The following PARN variants were observed in gnomAD, a reference collection of about 807,000 sequenced individuals.
PARN encodes poly(A)-specific ribonuclease.
A neutral mutation model predicts 102.8 loss-of-function variants in PARN; 71 were observed. The ratio of observed to expected loss-of-function variants is 0.69; its 90% CI spans 0.57 to 0.84. PARN has a LOEUF of 0.84. Ranked by LOEUF, PARN falls within the 40% of genes least tolerant of loss-of-function variation. PARN has a pLI of 0.00. For missense variants in PARN, 782 were observed against 760.9 expected, an observed-to-expected ratio of 1.03 and a Z score of -0.33; for synonymous variants, 261 against 252.9, an observed-to-expected ratio of 1.03 and a Z score of -0.30.
intron 5 of PARN, among the ~76,000 whole-genome samples, chr16:14,625,219 C>A (rs138158669): frequency 4.2e-4 from 63 of 151,672 alleles, no homozygotes; most frequent in Middle Eastern, 6.8e-3. Flanking sequence ...CAAAACAAAA[C>A]AAAACTGTAA....
chr16:14,594,164 T>C (rs533256919), intron 12 of PARN, among the ~76,000 whole-genome samples: 18 of 152,338 alleles, frequency 1.2e-4, no homozygotes, highest in Admixed American at 3.3e-4. Context: ...TTTCTAACTA[T>C]ATTAAACAGA....
At chr16:14,547,294 G>A (rs1005299469) in intron 21 of PARN, among the ~76,000 whole-genome samples, 10 of 152,058 alleles carry the variant, frequency 6.6e-5, no homozygotes, top group Admixed American at 4.6e-4. Flanking sequence ...AAAGCCAGCA[G>A]GGAACCGCTT....
chr16:14,558,745 C>A (rs766309668), intron 18 of PARN, among the ~76,000 whole-genome samples: 1 of 152,050 alleles, frequency 6.6e-6, no homozygotes, highest in Non-Finnish European at 1.5e-5. Flanking sequence ...TAAAAAGGCA[C>A]AAAATTTTAT....
At chr16:14,546,839 C>G (rs987046418) in intron 21 of PARN, among the ~76,000 whole-genome samples, 1 of 152,118 alleles carries the variant, frequency 6.6e-6, no homozygotes, top group Admixed American at 6.6e-5. Context: ...CAGTGGCTTA[C>G]GCTGTAATGC....
chr16:14,595,510 A>ATG (rs1444507070), intron 12 of PARN, among the ~76,000 whole-genome samples: 1 of 152,040 alleles, frequency 6.6e-6, no homozygotes, highest in Non-Finnish European at 1.5e-5. Context: ...GACCACAGGC[A>ATG]TGTGCCACCA....
chr16:14,621,126 C>T (rs766466936), intron 5 of PARN, among the ~76,000 whole-genome samples: 3 of 152,148 alleles, frequency 2.0e-5, no homozygotes, highest in Non-Finnish European at 2.9e-5. Context: ...TTTCCCTACC[C>T]CCACTTCTTT....
rs1970309442 is a variant in PARN, at chr16:14,593,331, T to C, written c.888A>G (p.Thr296=). ...GHNMLLDVMH[T]VHQFYCPLPA... Reference sequence around the variant, plus strand: ...GCAGAGGGCAGTAGAACTGATGAACTGTGTGCATGACGTCCAAGAGCATAT... The same window carrying C: ...GCAGAGGGCAGTAGAACTGATGAACCGTGTGCATGACGTCCAAGAGCATAT... The change falls in exon 13 of 24, where the codon ACA becomes ACG. Residue 296 remains threonine, a synonymous_variant. Coordinates refer to ENST00000437198, the MANE Select transcript of PARN (RefSeq NM_002582.4). 1 of 1,606,788 alleles carries C rather than the reference T, an allele frequency of 6.2e-7. No individual in the cohort carries two copies. The highest frequency in any genetic ancestry group is 8.5e-7 in the Non-Finnish European group (1 of 1,173,664).
At chr16:14,463,540 T>C (rs978262347) in intron 22 of PARN, among the ~76,000 whole-genome samples, 4 of 152,114 alleles carry the variant, frequency 2.6e-5, no homozygotes, top group African/African-American at 9.7e-5. Flanking sequence ...AGTAGGACAC[T>C]GAAGGGTATT....
Position 14,451,575 on chromosome 16 carries a change from GCTAAA to G in PARN, c.1671-4499_1671-4495del, listed in dbSNP as rs547401614. 8.0e-3 allele frequency among the ~76,000 whole-genome samples: 1,220 copies of G among 152,158 alleles called. 8 individuals carry two copies. Among genetic ancestry groups the G allele is most frequent in the Non-Finnish European group, 0.013 (891 of 68,016 alleles). The stretch of plus-strand genomic sequence containing the variant: ...CCATTTACATGAAATTCCAGAAAAG[GCTAAA>G]CTAATCTTCAGAGAAAAAAATTCAG... On this transcript the variant is annotated intron_variant, in intron 22 of 23. Coordinates refer to ENST00000437198, the MANE Select transcript of PARN (RefSeq NM_002582.4).
intron 19 of PARN, 78 bp downstream of exon 19, chr16:14,555,576 A>G: frequency 1.6e-6 from 1 of 613,220 alleles, no homozygotes; most frequent in Non-Finnish European, 2.7e-6. Context: ...CTTTTTCTTT[A>G]GTAATATTTT....
At chr16:14,564,416 G>C (rs754158635) in intron 18 of PARN, among the ~76,000 whole-genome samples, 1 of 152,190 alleles carries the variant, frequency 6.6e-6, no homozygotes, top group African/African-American at 2.4e-5. Flanking sequence ...GGAACAACAC[G>C]CAGTGAAGAG....
chr16:14,517,933 C>T (rs975404270), intron 21 of PARN, among the ~76,000 whole-genome samples: 3 of 151,908 alleles, frequency 2.0e-5, no homozygotes, highest in African/African-American at 7.3e-5. Context: ...TCCCAAAGTG[C>T]TGAGATTACA....
intron 21 of PARN, among the ~76,000 whole-genome samples, chr16:14,535,196 C>T (rs777008830): frequency 1.3e-5 from 2 of 152,148 alleles, no homozygotes; most frequent in Non-Finnish European, 2.9e-5. Context: ...TACTCACTAA[C>T]CTAGATGTTA....
intron 5 of PARN, among the ~76,000 whole-genome samples, chr16:14,622,907 G>A (rs1171870462): frequency 1.3e-5 from 2 of 151,860 alleles, no homozygotes; most frequent in Non-Finnish European, 2.9e-5. Flanking sequence ...AGTTCAAGAC[G>A]AGCCAAGGCA....
chr16:14,623,225 G>C (rs1366618263), intron 5 of PARN, among the ~76,000 whole-genome samples: 1 of 151,896 alleles, frequency 6.6e-6, no homozygotes, highest in Non-Finnish European at 1.5e-5. Context: ...GATATAAGAA[G>C]GGAAACACAG....
intron 10 of PARN, among the ~76,000 whole-genome samples, chr16:14,606,206 C>G (rs934982656): frequency 1.3e-5 from 2 of 152,018 alleles, no homozygotes; most frequent in Admixed American, 6.6e-5. Flanking sequence ...TCAAGACTAG[C>G]CTGGGCAACA....
chr16:14,585,310 G>A (rs1969776436), intron 14 of PARN, among the ~76,000 whole-genome samples: 1 of 149,482 alleles, frequency 6.7e-6, no homozygotes, highest in South Asian at 2.1e-4. Context: ...TCAGAGATCA[G>A]AAACACCAAA....
At chr16:14,475,335 C>T (rs1962982525) in intron 22 of PARN, among the ~76,000 whole-genome samples, 1 of 152,130 alleles carries the variant, frequency 6.6e-6, no homozygotes, top group Non-Finnish European at 1.5e-5. Context: ...GGACTGAGTA[C>T]CTATTAGTGA....
chr16:14,551,147 G>A (rs919468134), intron 21 of PARN, among the ~76,000 whole-genome samples: 2 of 151,804 alleles, frequency 1.3e-5, no homozygotes, highest in African/African-American at 2.4e-5. Flanking sequence ...GGCCAGGCTC[G>A]TCTCGAACTC....
Sources: gnomAD v4.1 joint callset for allele counts (sites outside exome capture counted in the v4.1 genomes callset) on GRCh38, gnomAD v4.1.1 for gene constraint, MANE v1.5 for transcripts, NCBI Gene and HGNC (gene_info 2026-07-23, HGNC 2026-07-21) for gene names.